KLF8: variants seen among roughly 807,000 people sequenced by gnomAD.
The protein encoded by KLF8 is KLF transcription factor 8, also known as Krueppel-like factor 8.
A neutral mutation model predicts 18.2 loss-of-function variants in KLF8; 10 were observed. The ratio of observed to expected loss-of-function variants is 0.55; its 90% CI spans 0.34 to 0.93. KLF8 has a LOEUF of 0.93. KLF8 is among the 40% of genes least tolerant of loss of function. The probability of loss-of-function intolerance (pLI) is 0.02; values close to 1 mark genes in which losing one functional copy is unlikely to be tolerated. For missense variants in KLF8, 264 were observed against 277.9 expected (o/e 0.95, Z 0.36); for synonymous variants, 109 against 97.3 (o/e 1.12, Z -0.71).
At chrX:56,113,305 GTT>G in the KLF8 span, among the ~76,000 whole-genome samples, 2 of 105,343 alleles carry the variant, frequency 1.9e-5, no homozygotes, top group Non-Finnish European at 1.9e-5. Flanking sequence ...TACTTTCATG[GTT>G]TTTTTTTTTG....
chrX:56,144,297 A>G, the KLF8 span, among the ~76,000 whole-genome samples: 2 of 111,762 alleles, frequency 1.8e-5, no homozygotes, highest in Non-Finnish European at 3.8e-5. Context: ...CCAAAAGCAC[A>G]AACAAAGAAA....
the KLF8 span, among the ~76,000 whole-genome samples, chrX:56,145,944 G>A: frequency 5.4e-5 from 6 of 111,560 alleles, no homozygotes; most frequent in South Asian, 3.7e-4. Context: ...TTATGCAGCC[G>A]ACAAACAAAT....
At chrX:55,999,289 T>TTTTTTTTTTTTTTTTTC in the KLF8 span, among the ~76,000 whole-genome samples, 1 of 93,808 alleles carries the variant, frequency 1.1e-5, no homozygotes. Flanking sequence ...CTCCAGATTT[T>TTTTTTTTTTTTTTTTTC]TTTTTTTTGC....
the KLF8 span, among the ~76,000 whole-genome samples, chrX:56,090,257 G>A: frequency 1.8e-5 from 2 of 111,837 alleles, no homozygotes; most frequent in Non-Finnish European, 3.8e-5. Flanking sequence ...GACAAATAGA[G>A]CTACAGCAAA....
the KLF8 span, among the ~76,000 whole-genome samples, chrX:56,121,141 C>G: frequency 9.7e-5 from 10 of 103,511 alleles, no homozygotes; most frequent in South Asian, 4.6e-4. Flanking sequence ...AGCCGAGATC[C>G]CGCCACTGCA....
chrX:56,264,195 T>C (rs2066925805), intron 2 of KLF8, among the ~76,000 whole-genome samples: 2 of 111,163 alleles, frequency 1.8e-5, no homozygotes, highest in Admixed American at 9.6e-5. Flanking sequence ...ATGGAATTCT[T>C]AGAAAGTTTT....
At chrX:56,174,839 C>T in the KLF8 span, among the ~76,000 whole-genome samples, 3 of 111,589 alleles carry the variant, frequency 2.7e-5, no homozygotes, top group Non-Finnish European at 5.6e-5. Context: ...GTGTATGTGT[C>T]CAGGAATTTA....
chrX:56,260,430 C>G (rs1439075358), intron 2 of KLF8, among the ~76,000 whole-genome samples: 1 of 111,929 alleles, frequency 8.9e-6, no homozygotes, highest in Admixed American at 9.5e-5. Flanking sequence ...GAAACAAAAA[C>G]TGATTTAGTA....
the KLF8 span, among the ~76,000 whole-genome samples, chrX:56,175,307 T>C: frequency 2.7e-5 from 3 of 111,920 alleles, no homozygotes; most frequent in African/African-American, 6.5e-5. Flanking sequence ...TCTTTGTTCT[T>C]GTTGGTTTCA....
chrX:56,212,830 G>T, the KLF8 span, among the ~76,000 whole-genome samples: 1 of 111,693 alleles, frequency 9.0e-6, no homozygotes, highest in East Asian at 2.8e-4. Context: ...TGGTGTCCTT[G>T]CAGGGAGAGG....
At chrX:55,910,933 C>A in the KLF8 span, among the ~76,000 whole-genome samples, 1 of 111,619 alleles carries the variant, frequency 9.0e-6, no homozygotes, top group African/African-American at 3.3e-5. Flanking sequence ...GTTGACAGCA[C>A]AGAGGTTAGA....
At chrX:56,158,867 A>T in the KLF8 span, among the ~76,000 whole-genome samples, 2 of 111,608 alleles carry the variant, frequency 1.8e-5, no homozygotes, top group Admixed American at 9.6e-5. Flanking sequence ...TCCTAATTGA[A>T]TACCATTTAT....
the KLF8 span, among the ~76,000 whole-genome samples, chrX:56,099,596 G>A: frequency 0.032 from 3,603 of 111,013 alleles, 158 homozygotes; most frequent in African/African-American, 0.11. Context: ...TTATGAATGC[G>A]AATGAAAAGC....
At chrX:56,255,405 T>C (rs982302761) in intron 2 of KLF8, among the ~76,000 whole-genome samples, 5 of 112,378 alleles carry the variant, frequency 4.4e-5, no homozygotes, top group Non-Finnish European at 9.4e-5. Context: ...CCTTTATATC[T>C]TTCTCTTTTC....
the KLF8 span, among the ~76,000 whole-genome samples, chrX:56,116,954 A>G: frequency 9.1e-6 from 1 of 110,374 alleles, no homozygotes; most frequent in Non-Finnish European, 1.9e-5. Context: ...AATTCCTAAC[A>G]TGAGTTCTTG....
chrX:56,050,759 A>C, the KLF8 span, among the ~76,000 whole-genome samples: 2 of 111,590 alleles, frequency 1.8e-5, no homozygotes, highest in Non-Finnish European at 3.8e-5. Flanking sequence ...TTTGTGGTGG[A>C]GTTTTCTGTA....
At chrX:56,255,582 C>G (rs763373369) in intron 2 of KLF8, among the ~76,000 whole-genome samples, 1 of 111,847 alleles carries the variant, frequency 8.9e-6, no homozygotes, top group East Asian at 2.8e-4. Flanking sequence ...TGAGGTGTTA[C>G]TTGTATCCCC....
chrX:55,957,617 G>A, the KLF8 span, among the ~76,000 whole-genome samples: 1 of 111,415 alleles, frequency 9.0e-6, no homozygotes, highest in Non-Finnish European at 1.9e-5. Context: ...TCCTTGGTTA[G>A]GTTTATCCTT....
chrX:56,232,081 TAGAC>T (rs893099141), upstream of KLF8, among the ~76,000 whole-genome samples: 12 of 111,550 alleles, frequency 1.1e-4, no homozygotes, highest in Non-Finnish European at 2.1e-4. Context: ...CTTTCCCTCT[TAGAC>T]AGCCCCCAGC....
Sources: gnomAD v4.1 joint callset for allele counts (sites outside exome capture counted in the v4.1 genomes callset) on GRCh38, gnomAD v4.1.1 for gene constraint, MANE v1.5 for transcripts, NCBI Gene and HGNC (gene_info 2026-07-23, HGNC 2026-07-21) for gene names.